The following GRIA4 variants were observed in gnomAD, a reference collection of about 807,000 sequenced individuals.
GRIA4 encodes the protein glutamate receptor 4.
GRIA4 carries 34 observed loss-of-function variants against 104.0 expected under a neutral mutation model. The ratio of observed to expected loss-of-function variants is 0.33; its 90% CI spans 0.25 to 0.44. GRIA4 has a LOEUF of 0.44. Among genes scored for constraint, GRIA4 ranks in the 20% least tolerant of loss-of-function variants. GRIA4 has a pLI of 1.00. For missense variants in GRIA4, 750 were observed against 1,096.5 expected, an observed-to-expected ratio of 0.68 and a Z score of 4.46; for synonymous variants, 386 against 381.9, an observed-to-expected ratio of 1.01 and a Z score of -0.13.
chr11:105,901,891 C>A (rs1191695221), intron 7 of GRIA4, among the ~76,000 whole-genome samples: 1 of 152,094 alleles, frequency 6.6e-6, no homozygotes, highest in Non-Finnish European at 1.5e-5. Flanking sequence ...TTGCATTTTT[C>A]TCTTGCCCTT....
chr11:105,746,854 T>A (rs915769634), intron 3 of GRIA4, among the ~76,000 whole-genome samples: 4 of 151,950 alleles, frequency 2.6e-5, no homozygotes, highest in Non-Finnish European at 5.9e-5. Context: ...CATGGGAAAG[T>A]GATTCTCAAG....
At chr11:105,713,615 G>T (rs1953991442) in intron 3 of GRIA4, among the ~76,000 whole-genome samples, 1 of 152,028 alleles carries the variant, frequency 6.6e-6, no homozygotes, top group Non-Finnish European at 1.5e-5. Flanking sequence ...TGTGTGATTT[G>T]TGGGGATAAA....
chr11:105,750,283 C>A (rs1224096563), intron 3 of GRIA4, among the ~76,000 whole-genome samples: 1 of 152,098 alleles, frequency 6.6e-6, no homozygotes, highest in Non-Finnish European at 1.5e-5. Flanking sequence ...TATCCTCACA[C>A]ACACAAAACC....
chr11:105,757,109 T>C (rs1940357278), intron 4 of GRIA4, among the ~76,000 whole-genome samples: 2 of 152,304 alleles, frequency 1.3e-5, no homozygotes, highest in South Asian at 4.1e-4. Flanking sequence ...GCATCTCCTT[T>C]GGAGTCACTG....
chr11:105,785,428 A>G (rs994000058), intron 4 of GRIA4, among the ~76,000 whole-genome samples: 5 of 152,218 alleles, frequency 3.3e-5, no homozygotes, highest in Non-Finnish European at 7.3e-5. Flanking sequence ...AACAGAATGA[A>G]AAATGGTAAA....
chr11:105,866,551 G>GTGTGTGTATATATA lies in GRIA4; in HGVS notation c.672+4344_672+4345insGTGTGTATATATAT, dbSNP rs1299256765. 3.9e-5 allele frequency among the ~76,000 whole-genome samples: 3 copies of GTGTGTGTATATATA among 76,750 alleles called. No individual in the cohort carries two copies. The Admixed American group carries it at 4.5e-4, about 11-fold the overall frequency. 50.4% of individuals were successfully genotyped at this position (76,750 alleles called of 152,430 possible). A position where few individuals can be genotyped will look rare whatever the true frequency, so the allele number is the denominator to read the frequency against. On this transcript the variant is annotated intron_variant, in intron 5 of 16. Coordinates refer to ENST00000282499, the MANE Select transcript of GRIA4 (RefSeq NM_000829.4). ...TATACGCATATGTGTGTGTGTGTGT[G>GTGTGTGTATATATA]TATATATATATATATATATATATAT...
chr11:105,622,989 T>C (rs1402459579), intron 3 of GRIA4, among the ~76,000 whole-genome samples: 1 of 150,196 alleles, frequency 6.7e-6, no homozygotes, highest in East Asian at 1.9e-4. Flanking sequence ...TGGCCTCTAG[T>C]TCCATCTGTG....
chr11:105,938,226 C>T (rs1948098112), intron 14 of GRIA4, among the ~76,000 whole-genome samples: 1 of 152,182 alleles, frequency 6.6e-6, no homozygotes, highest in Non-Finnish European at 1.5e-5. Flanking sequence ...GCTACTTTCA[C>T]ATATAAAATT....
intron 14 of GRIA4, among the ~76,000 whole-genome samples, chr11:105,937,810 T>C (rs770476061): frequency 1.3e-5 from 2 of 152,124 alleles, no homozygotes; most frequent in Admixed American, 6.5e-5. Context: ...GCAGTTCCAA[T>C]AGAACTTGCT....
At chr11:105,657,789 G>T (rs141013951) in intron 3 of GRIA4, among the ~76,000 whole-genome samples, 1 of 151,818 alleles carries the variant, frequency 6.6e-6, no homozygotes, top group Non-Finnish European at 1.5e-5. Flanking sequence ...TTTGTAGTCT[G>T]TATGGAATTA....
intron 4 of GRIA4, among the ~76,000 whole-genome samples, chr11:105,828,160 G>A (rs528706009): frequency 6.6e-6 from 1 of 152,064 alleles, no homozygotes; most frequent in South Asian, 2.1e-4. Flanking sequence ...GCAGCTGAAG[G>A]GGAACAGCTC....
chr11:105,639,645 C>T (rs1244347951), intron 3 of GRIA4, among the ~76,000 whole-genome samples: 1 of 151,894 alleles, frequency 6.6e-6, no homozygotes, highest in Non-Finnish European at 1.5e-5. Flanking sequence ...TAAAATAAAA[C>T]CATGATCATT....
At chr11:105,937,763 G>A (rs1257866840) in intron 14 of GRIA4, among the ~76,000 whole-genome samples, 1 of 151,584 alleles carries the variant, frequency 6.6e-6, no homozygotes, top group African/African-American at 2.4e-5. Context: ...TTCTGTCACT[G>A]AAAAAAAATA....
chr11:105,815,849 A>G (rs1235091998), intron 4 of GRIA4, among the ~76,000 whole-genome samples: 2 of 152,202 alleles, frequency 1.3e-5, no homozygotes, highest in African/African-American at 4.8e-5. Flanking sequence ...ATGAAATCTC[A>G]CAGACATTTC....
chr11:105,832,531 T>G (rs1944013030), intron 4 of GRIA4, among the ~76,000 whole-genome samples: 1 of 151,876 alleles, frequency 6.6e-6, no homozygotes, highest in African/African-American at 2.4e-5. Context: ...GCAGGGCTGG[T>G]ATTAGTATCT....
At chr11:105,810,864 A>G (rs2135868664) in intron 4 of GRIA4, among the ~76,000 whole-genome samples, 1 of 152,334 alleles carries the variant, frequency 6.6e-6, no homozygotes, top group African/African-American at 2.4e-5. Context: ...CGCCTTCTCC[A>G]AAATTATTTT....
chr11:105,794,566 ATATC>A (rs1189168533), intron 4 of GRIA4, among the ~76,000 whole-genome samples: 2 of 140,990 alleles, frequency 1.4e-5, no homozygotes, highest in South Asian at 2.3e-4. Context: ...ATATCTATCT[ATATC>A]TATCTATATA....
In GRIA4 at chr11:105,926,792, C is replaced by T. The variant is rs774140698; in HGVS notation, c.1899C>T (p.Ile633=). 1 of 1,610,640 alleles carries T rather than the reference C, an allele frequency of 6.2e-7. No individual in the cohort carries two copies. Among genetic ancestry groups the T allele is most frequent in the Admixed American group, 1.7e-5 (1 of 59,916 alleles). Residue 633 remains isoleucine (I), a synonymous_variant, in exon 13 of 17, where the codon ATC becomes ATT. Coordinates refer to ENST00000282499, the MANE Select transcript of GRIA4 (RefSeq NM_000829.4). ...VGGVWWFFTL[I]IISSYTANLA... is the part of the protein sequence containing the mutation. ...GTGTTTGGTGGTTCTTTACACTCAT[C>T]ATTATATCATCTTATACTGCTAACC...
intron 3 of GRIA4, among the ~76,000 whole-genome samples, chr11:105,677,857 T>C (rs1053787081): frequency 6.6e-6 from 1 of 152,016 alleles, no homozygotes; most frequent in Non-Finnish European, 1.5e-5. Context: ...ACAAAGTTGA[T>C]ATTTTCAAAT....
Sources: gnomAD v4.1 joint callset for allele counts (sites outside exome capture counted in the v4.1 genomes callset) on GRCh38, gnomAD v4.1.1 for gene constraint, MANE v1.5 for transcripts, NCBI Gene and HGNC (gene_info 2026-07-23, HGNC 2026-07-21) for gene names.